The following GBE1 variants were observed in gnomAD, a reference collection of about 807,000 sequenced individuals.
GBE1 encodes 1,4-alpha-glucan branching enzyme 1, also known as 1,4-alpha-glucan-branching enzyme.
Under a neutral mutation model 88.8 loss-of-function variants are expected in GBE1, and 70 were observed. The observed-to-expected ratio is 0.79, with a 90% CI of 0.65 to 0.96. GBE1 has a LOEUF of 0.96. Among genes scored for constraint, GBE1 ranks in the 40% least tolerant of loss-of-function variants. GBE1 has a pLI of 0.00. For synonymous variants in GBE1, 284 were observed against 300.1 expected (o/e 0.95, Z 0.56); for missense variants, 872 against 871.0 (o/e 1.00, Z -0.01).
intron 12 of GBE1, among the ~76,000 whole-genome samples, chr3:81,570,476 G>C (rs1703559210): frequency 6.6e-6 from 1 of 152,174 alleles, no homozygotes; most frequent in African/African-American, 2.4e-5. Flanking sequence ...AGAAGATGAA[G>C]GTTGATGGAT....
chr3:81,627,763 A>G (rs1359471811), intron 7 of GBE1, among the ~76,000 whole-genome samples: 1 of 128,722 alleles, frequency 7.8e-6, no homozygotes, highest in Non-Finnish European at 1.7e-5. Flanking sequence ...ATATATATAT[A>G]TATAAAAAAC....
chr3:81,741,217 C>T (rs1452335262), intron 1 of GBE1, among the ~76,000 whole-genome samples: 2 of 152,014 alleles, frequency 1.3e-5, no homozygotes, highest in African/African-American at 2.4e-5. Flanking sequence ...TATTTTCAGC[C>T]AGATCTTTCC....
chr3:81,748,201 A>C (rs1706445052), intron 1 of GBE1, among the ~76,000 whole-genome samples: 1 of 152,230 alleles, frequency 6.6e-6, no homozygotes, highest in Non-Finnish European at 1.5e-5. Flanking sequence ...CATTTCACCA[A>C]AGAAAACGTA....
Position 81,628,725 on chromosome 3 carries a change from A to G in GBE1, c.992+14056T>C, listed in dbSNP as rs1704455111. On this transcript the variant is annotated intron_variant, in intron 7 of 15. Coordinates refer to ENST00000429644, the MANE Select transcript of GBE1 (RefSeq NM_000158.4). ...AAATAGCCTACCCTTTAAAATATAA[A>G]GGAGAAAGAACAATTGCATATATAT... is the stretch of plus-strand genomic sequence containing the variant. Among the ~76,000 whole-genome samples, 5 of 134,590 alleles carry G rather than the reference A, an allele frequency of 3.7e-5. No homozygotes were observed. In the South Asian group the frequency reaches 1.2e-3, roughly 33 times the overall value. 88.3% of individuals were successfully genotyped at this position (134,590 alleles called of 152,430 possible).
intron 14 of GBE1, among the ~76,000 whole-genome samples, chr3:81,533,657 G>A (rs576822459): frequency 6.6e-6 from 1 of 152,196 alleles, no homozygotes; most frequent in South Asian, 2.1e-4. Context: ...AGACTCAGGG[G>A]TAATTCCTGA....
At chr3:81,663,568 C>T (rs1046406880) in intron 3 of GBE1, among the ~76,000 whole-genome samples, 13 of 152,150 alleles carry the variant, frequency 8.5e-5, no homozygotes, top group Admixed American at 6.5e-5. Flanking sequence ...TTCTCCAAGC[C>T]CAGATGTGAT....
intron 2 of GBE1, among the ~76,000 whole-genome samples, chr3:81,700,328 G>T (rs558631180): frequency 5.9e-5 from 9 of 152,136 alleles, no homozygotes; most frequent in African/African-American, 2.2e-4. Flanking sequence ...GCTAATTTTC[G>T]TATCAGTGTT....
At chr3:81,573,104 C>A (rs530671277) in intron 12 of GBE1, among the ~76,000 whole-genome samples, 2,397 of 152,074 alleles carry the variant, frequency 0.016, 64 homozygotes, top group African/African-American at 0.053. Flanking sequence ...AAAAAATAAA[C>A]CATAATGTCA....
intron 7 of GBE1, among the ~76,000 whole-genome samples, chr3:81,620,779 G>A (rs985051895): frequency 6.6e-6 from 1 of 152,078 alleles, no homozygotes; most frequent in African/African-American, 2.4e-5. Context: ...GTGAGGTGGC[G>A]GGAAGAATGT....
At chr3:81,731,917 A>C (rs375132086) in intron 1 of GBE1, among the ~76,000 whole-genome samples, 17 of 152,270 alleles carry the variant, frequency 1.1e-4, no homozygotes, top group African/African-American at 3.6e-4. Flanking sequence ...ACTAATACAA[A>C]ACCCTACATA....
chr3:81,653,712 A>C (rs1162777387), intron 3 of GBE1, among the ~76,000 whole-genome samples: 1 of 152,244 alleles, frequency 6.6e-6, no homozygotes, highest in Non-Finnish European at 1.5e-5. Context: ...AAAGTCTTCT[A>C]AGTTATATGA....
At chr3:81,703,693 G>A (rs1705733532) in intron 2 of GBE1, among the ~76,000 whole-genome samples, 1 of 152,042 alleles carries the variant, frequency 6.6e-6, no homozygotes, top group African/African-American at 2.4e-5. Flanking sequence ...CTGCCCTCAA[G>A]TTGCACATCT....
intron 7 of GBE1, among the ~76,000 whole-genome samples, chr3:81,617,469 T>C (rs556280977): frequency 4.7e-4 from 72 of 152,134 alleles, no homozygotes; most frequent in African/African-American, 1.6e-3. Context: ...CAAAATACTT[T>C]TTCTTCATCA....
chr3:81,597,930 G>A (rs1703981509), intron 7 of GBE1, among the ~76,000 whole-genome samples: 1 of 151,678 alleles, frequency 6.6e-6, no homozygotes, highest in African/African-American at 2.4e-5. Context: ...CCAATATTAA[G>A]GTTTTTAGGA....
chr3:81,503,270 G>A (rs1702613539), intron 14 of GBE1, among the ~76,000 whole-genome samples: 1 of 152,230 alleles, frequency 6.6e-6, no homozygotes, highest in East Asian at 1.9e-4. Context: ...TGCGTAAATA[G>A]AGCAAAAAGC....
chr3:81,643,132 A>C (rs1704714239), intron 6 of GBE1, 142 bp from the exon 7 acceptor site: 2 of 621,978 alleles, frequency 3.2e-6, no homozygotes, highest in African/African-American at 3.8e-5. Flanking sequence ...GATACAACTC[A>C]AATTTGCTTA....
chr3:81,664,235 C>T (rs1705077572), intron 3 of GBE1, among the ~76,000 whole-genome samples: 1 of 151,946 alleles, frequency 6.6e-6, no homozygotes, highest in South Asian at 2.1e-4. Context: ...CATAATTTGA[C>T]TTAACCTAGG....
chr3:81,623,471 C>T (rs1704360528), intron 7 of GBE1, among the ~76,000 whole-genome samples: 1 of 152,164 alleles, frequency 6.6e-6, no homozygotes, highest in Non-Finnish European at 1.5e-5. Context: ...CTTGTTGCTA[C>T]CTAGAAATGT....
intron 7 of GBE1, among the ~76,000 whole-genome samples, chr3:81,597,511 T>C (rs1459314725): frequency 7.0e-6 from 1 of 143,128 alleles, no homozygotes; most frequent in African/African-American, 2.6e-5. Context: ...ATATATCTCA[T>C]TGGTCACAAT....
Sources: gnomAD v4.1 joint callset for allele counts (sites outside exome capture counted in the v4.1 genomes callset) on GRCh38, gnomAD v4.1.1 for gene constraint, MANE v1.5 for transcripts, NCBI Gene and HGNC (gene_info 2026-07-23, HGNC 2026-07-21) for gene names.